HTR2C: variants seen among roughly 807,000 people sequenced by gnomAD.
HTR2C encodes 5-hydroxytryptamine receptor 2C, also known as 5-hydroxytryptamine (serotonin) receptor 2C, G protein-coupled.
A neutral mutation model predicts 21.0 loss-of-function variants in HTR2C; 5 were observed. The observed-to-expected ratio is 0.24, with a 90% CI of 0.12 to 0.50. The LOEUF is 0.50. Among genes scored for constraint, HTR2C ranks in the 20% least tolerant of loss-of-function variants. HTR2C has a pLI of 0.98. For synonymous variants in HTR2C, 150 were observed against 145.3 expected (o/e 1.03, Z -0.23); for missense variants, 271 against 371.2 (o/e 0.73, Z 2.22).
chrX:114,847,859 C>T (rs1224624419), intron 4 of HTR2C, 144 bp from the exon 5 acceptor site: 7 of 440,797 alleles, frequency 1.6e-5, no homozygotes, highest in Non-Finnish European at 2.3e-5. Flanking sequence ...TCACCATCAT[C>T]ATCCCTATAG....
chrX:114,630,049 G>A (rs1929547257), intron 2 of HTR2C, among the ~76,000 whole-genome samples: 1 of 111,423 alleles, frequency 9.0e-6, no homozygotes, highest in Non-Finnish European at 1.9e-5. Flanking sequence ...AAAAAAAAAA[G>A]AGGTACATCA....
At chrX:114,701,397 G>A (rs1418083507) in intron 2 of HTR2C, among the ~76,000 whole-genome samples, 3 of 110,988 alleles carry the variant, frequency 2.7e-5, no homozygotes, top group South Asian at 3.8e-4. Flanking sequence ...CAGCATTCAC[G>A]GTTCACAAAA....
chrX:114,702,040 C>G (rs1263275361), intron 2 of HTR2C, among the ~76,000 whole-genome samples: 8 of 108,302 alleles, frequency 7.4e-5, no homozygotes, highest in Non-Finnish European at 9.6e-5. Context: ...AACAAAGCCT[C>G]CAAGAAATAT....
At chrX:114,893,398 T>C (rs1178820989) in intron 5 of HTR2C, among the ~76,000 whole-genome samples, 1 of 111,420 alleles carries the variant, frequency 9.0e-6, no homozygotes, top group African/African-American at 3.3e-5. Flanking sequence ...TCCAGAAATA[T>C]ACTCACACAT....
At chrX:114,622,764 G>A (rs1929215468) in intron 2 of HTR2C, among the ~76,000 whole-genome samples, 1 of 111,957 alleles carries the variant, frequency 8.9e-6, no homozygotes, top group Non-Finnish European at 1.9e-5. Context: ...GGTAAAAAGT[G>A]GGAAGCAGAG....
At chrX:114,699,728 T>C (rs191528449) in intron 2 of HTR2C, among the ~76,000 whole-genome samples, 3 of 112,193 alleles carry the variant, frequency 2.7e-5, no homozygotes, top group African/African-American at 9.7e-5. Flanking sequence ...CACATAGTTA[T>C]ACTTTGAAAG....
chrX:114,826,557 C>T (rs1171772304), intron 4 of HTR2C, among the ~76,000 whole-genome samples: 1 of 111,658 alleles, frequency 9.0e-6, no homozygotes, highest in African/African-American at 3.3e-5. Context: ...AGTTCCATCC[C>T]CAACATGTCT....
At chrX:114,723,162 G>A (rs1387328581) in intron 2 of HTR2C, among the ~76,000 whole-genome samples, 2 of 111,195 alleles carry the variant, frequency 1.8e-5, no homozygotes, top group African/African-American at 3.3e-5. Flanking sequence ...TTTTTGCTTG[G>A]TAAGCTATTG....
At chrX:114,804,515 C>G (rs2070383021) in intron 4 of HTR2C, among the ~76,000 whole-genome samples, 1 of 111,630 alleles carries the variant, frequency 9.0e-6, no homozygotes, top group African/African-American at 3.3e-5. Context: ...AAATTAAAAA[C>G]CCTTCAGCTT....
intron 4 of HTR2C, among the ~76,000 whole-genome samples, chrX:114,764,839 T>G (rs1556433895): frequency 9.0e-6 from 1 of 110,662 alleles, no homozygotes; most frequent in Non-Finnish European, 1.9e-5. Context: ...CTTTTTCTTC[T>G]TAAATCTCAC....
At chrX:114,632,836 T>C (rs1602650573) in intron 2 of HTR2C, among the ~76,000 whole-genome samples, 1 of 110,595 alleles carries the variant, frequency 9.0e-6, no homozygotes, top group African/African-American at 3.3e-5. Flanking sequence ...TTTAGAAAAA[T>C]AAATACCTTC....
chrX:114,701,102 T>A (rs918736009), intron 2 of HTR2C, among the ~76,000 whole-genome samples: 7 of 112,360 alleles, frequency 6.2e-5, no homozygotes, highest in African/African-American at 9.7e-5. Context: ...GAGGCCTGCC[T>A]GACTCTGTAG....
At chrX:114,787,213 T>C (rs2070184323) in intron 4 of HTR2C, among the ~76,000 whole-genome samples, 1 of 112,099 alleles carries the variant, frequency 8.9e-6, no homozygotes, top group Non-Finnish European at 1.9e-5. Context: ...GAGGACTATA[T>C]ACAACACAAA....
intron 5 of HTR2C, among the ~76,000 whole-genome samples, chrX:114,899,765 C>A: frequency 1.9e-5 from 2 of 107,549 alleles, no homozygotes; most frequent in South Asian, 7.8e-4. Context: ...TTCACTCACG[C>A]CTTTTGTTCC....
intron 4 of HTR2C, among the ~76,000 whole-genome samples, chrX:114,809,682 C>T (rs2070513422): frequency 9.0e-6 from 1 of 111,212 alleles, no homozygotes; most frequent in African/African-American, 3.3e-5. Context: ...GGGCTCCACT[C>T]TGGCTCAAGG....
intron 5 of HTR2C, among the ~76,000 whole-genome samples, chrX:114,868,958 A>G (rs1223894947): frequency 9.0e-6 from 1 of 110,528 alleles, no homozygotes; most frequent in Admixed American, 9.7e-5. Context: ...CATCATTTAC[A>G]TTAGGTGTTT....
At chrX:114,678,387 T>C (rs1325517102) in intron 2 of HTR2C, among the ~76,000 whole-genome samples, 1 of 110,731 alleles carries the variant, frequency 9.0e-6, no homozygotes, top group Admixed American at 9.7e-5. Flanking sequence ...TTCCCACCTA[T>C]ATTCTTACTT....
chrX:114,775,841 A>C, intron 4 of HTR2C: 1 of 389,070 alleles, frequency 2.6e-6, no homozygotes, highest in South Asian at 3.6e-5. Flanking sequence ...TACAGGGCCA[A>C]GGGTGCCATG....
intron 2 of HTR2C, among the ~76,000 whole-genome samples, chrX:114,618,525 A>G (rs1264142917): frequency 2.7e-5 from 3 of 112,305 alleles, no homozygotes; most frequent in African/African-American, 9.7e-5. Context: ...GTAAATTAAT[A>G]CATGTCTTAT....
Sources: allele counts gnomAD v4.1 joint callset (sites outside exome capture counted in the v4.1 genomes callset), GRCh38; gene constraint gnomAD v4.1.1; transcripts MANE v1.5; gene names NCBI Gene and HGNC (gene_info 2026-07-23, HGNC 2026-07-21).